Variants in SPMIP7 observed in about 807,000 individuals in gnomAD.
SPMIP7 encodes the protein sperm microtubule inner protein 7.
chr7:50,096,378 G>C, the SPMIP7 span: 4 of 1,551,804 alleles, frequency 2.6e-6, no homozygotes, highest in Non-Finnish European at 3.5e-6. Flanking sequence ...TTTCCACTTC[G>C]GGATGATGTG....
chr7:50,106,525 A>G, the SPMIP7 span, among the ~76,000 whole-genome samples: 2 of 152,342 alleles, frequency 1.3e-5, no homozygotes, highest in South Asian at 2.1e-4. Context: ...TCCAGAAATC[A>G]GGCAGAAGTA....
the SPMIP7 span, among the ~76,000 whole-genome samples, chr7:50,154,351 C>T: frequency 6.6e-6 from 1 of 152,162 alleles, no homozygotes; most frequent in Non-Finnish European, 1.5e-5. Context: ...GTTTCTCCTG[C>T]GTGTCTGCTA....
chr7:50,100,829 A>AAATAAATAAATAAATAAATG, the SPMIP7 span, among the ~76,000 whole-genome samples: 1 of 151,004 alleles, frequency 6.6e-6, no homozygotes, highest in South Asian at 2.1e-4. Context: ...ATAAATAAAT[A>AAATAAATAAATAAATAAATG]AATAAATAAA....
At chr7:50,105,594 A>G in the SPMIP7 span, among the ~76,000 whole-genome samples, 1 of 152,336 alleles carries the variant, frequency 6.6e-6, no homozygotes. Flanking sequence ...GGCATGAAAC[A>G]GAAAGGTCAT....
the SPMIP7 span, chr7:50,135,975 C>A: frequency 3.0e-6 from 2 of 668,682 alleles, no homozygotes; most frequent in South Asian, 1.8e-5. Flanking sequence ...TTGGAGAGTG[C>A]GTTTCCTAGG....
the SPMIP7 span, chr7:50,096,127 C>A: frequency 1.3e-6 from 2 of 1,533,054 alleles, no homozygotes; most frequent in Non-Finnish European, 8.8e-7. Flanking sequence ...AGATAAGTAT[C>A]TCTAAAAGGT....
the SPMIP7 span, chr7:50,159,091 T>TC: frequency 1.9e-6 from 3 of 1,551,802 alleles, no homozygotes; most frequent in African/African-American, 2.7e-5. Context: ...GTCACCAGGC[T>TC]CCCCTGTCTC....
the SPMIP7 span, among the ~76,000 whole-genome samples, chr7:50,097,347 T>G: frequency 0.83 from 126,265 of 152,260 alleles, 52,405 homozygotes; most frequent in East Asian, 0.88. Flanking sequence ...ATAGGAAGAA[T>G]ACTTTTAAAC....
chr7:50,122,663 C>T, the SPMIP7 span, among the ~76,000 whole-genome samples: 1 of 150,574 alleles, frequency 6.6e-6, no homozygotes, highest in African/African-American at 2.4e-5. Flanking sequence ...TTGCAACCTA[C>T]TCATCTGACA....
At chr7:50,158,357 G>A in the SPMIP7 span, among the ~76,000 whole-genome samples, 1 of 150,306 alleles carries the variant, frequency 6.7e-6, no homozygotes, top group East Asian at 2.0e-4. Context: ...CCCAACCTCT[G>A]GATGTGGCCC....
the SPMIP7 span, among the ~76,000 whole-genome samples, chr7:50,122,411 C>T: frequency 2.7e-5 from 4 of 148,820 alleles, no homozygotes; most frequent in Middle Eastern, 3.2e-3. Flanking sequence ...ATACAAAAAT[C>T]AATTCAAGAT....
At chr7:50,138,011 C>A in the SPMIP7 span, among the ~76,000 whole-genome samples, 1 of 152,024 alleles carries the variant, frequency 6.6e-6, no homozygotes, top group African/African-American at 2.4e-5. Context: ...TAACTAAATT[C>A]ATCAATATTT....
At chr7:50,110,566 TATA>T in the SPMIP7 span, among the ~76,000 whole-genome samples, 201 of 143,638 alleles carry the variant, frequency 1.4e-3, 1 homozygote, top group Non-Finnish European at 2.5e-3. Flanking sequence ...TATATTTATA[TATA>T]ATATTTACTA....
chr7:50,140,494 G>A, the SPMIP7 span, among the ~76,000 whole-genome samples: 1 of 152,196 alleles, frequency 6.6e-6, no homozygotes, highest in Admixed American at 6.5e-5. Flanking sequence ...TACCACTATT[G>A]AGTGTTATGA....
chr7:50,118,976 C>G, the SPMIP7 span, among the ~76,000 whole-genome samples: 4 of 152,282 alleles, frequency 2.6e-5, no homozygotes, highest in Non-Finnish European at 5.9e-5. Flanking sequence ...TGACTAAATA[C>G]TGCAGGCTTT....
the SPMIP7 span, among the ~76,000 whole-genome samples, chr7:50,153,771 A>G: frequency 2.0e-5 from 3 of 152,176 alleles, no homozygotes; most frequent in Admixed American, 1.3e-4. Flanking sequence ...GCTTGGTCCC[A>G]CGTAATTGAG....
At chr7:50,134,283 T>G in the SPMIP7 span, 1 of 1,479,580 alleles carries the variant, frequency 6.8e-7, no homozygotes, top group Non-Finnish European at 9.0e-7. Flanking sequence ...GTATTTCTCA[T>G]TGTTATTGAA....
At chr7:50,145,457 A>T in the SPMIP7 span, among the ~76,000 whole-genome samples, 10 of 150,074 alleles carry the variant, frequency 6.7e-5, no homozygotes, top group Non-Finnish European at 1.3e-4. Flanking sequence ...ATAAAAATTG[A>T]ATCATCTGTA....
chr7:50,156,271 T>G, the SPMIP7 span, among the ~76,000 whole-genome samples: 1 of 152,008 alleles, frequency 6.6e-6, no homozygotes, highest in Non-Finnish European at 1.5e-5. Flanking sequence ...AATTTTCCAG[T>G]GAAAGTATGA....
Sources: gnomAD v4.1 joint callset for allele counts (sites outside exome capture counted in the v4.1 genomes callset) on GRCh38, gnomAD v4.1.1 for gene constraint, MANE v1.5 for transcripts, NCBI Gene and HGNC (gene_info 2026-07-23, HGNC 2026-07-21) for gene names.